Variants in MYOF observed in about 807,000 individuals in gnomAD.
The protein encoded by MYOF is myoferlin, also known as fer-1-like 3, myoferlin.
MYOF carries 244 observed loss-of-function variants against 284.2 expected under a neutral mutation model. The ratio of observed to expected loss-of-function variants is 0.86; its 90% CI spans 0.77 to 0.95. The LOEUF (loss-of-function observed/expected upper bound fraction) is 0.95, where lower values mean the gene tolerates loss of function less well. Ranked by LOEUF, MYOF falls within the 40% of genes least tolerant of loss-of-function variation. The pLI, the probability that MYOF is intolerant of heterozygous loss-of-function variation, is 0.00. For missense variants in MYOF, 2,496 were observed against 2,560.6 expected (o/e 0.97, Z 0.54); for synonymous variants, 904 against 919.7 (o/e 0.98, Z 0.31).
At chr10:93,359,687 G>C (rs920423272) in intron 29 of MYOF, 146 bp downstream of exon 29, 2 of 956,352 alleles carry the variant, frequency 2.1e-6, no homozygotes, top group Non-Finnish European at 1.5e-6. Context: ...ATTGCTGGCT[G>C]GGGTGGGCTC....
intron 5 of MYOF, among the ~76,000 whole-genome samples, chr10:93,423,525 GAAAAAAAAAAAAA>G (rs59012520): frequency 1.3e-4 from 2 of 14,874 alleles, no homozygotes; most frequent in South Asian, 2.3e-3. Context: ...GACTCCATCT[GAAAAAAAAAAAAA>G]AAAAAAAAAA....
chr10:93,374,913 A>C lies in MYOF; in HGVS notation c.2151T>G (p.Val717=). The change falls in exon 23 of 54, where the codon GTT becomes GTG. Residue 717 remains valine (V), a synonymous_variant. Transcript: ENST00000359263. ...PLTEGKANVT[V]LDTQIRKLRS... is the part of the protein sequence containing the mutation. Reference sequence around the variant, plus strand: ...GCAGCTTTCGGATCTGAGTATCGAGAACTGTGACGTTGGCTTTTCCTTCTG... The same window carrying C: ...GCAGCTTTCGGATCTGAGTATCGAGCACTGTGACGTTGGCTTTTCCTTCTG... 6.2e-7 allele frequency: 1 copy of C among 1,614,098 alleles called. No individual in the cohort carries two copies. The highest frequency in any genetic ancestry group is 8.5e-7 in the Non-Finnish European group (1 of 1,179,982).
intron 38 of MYOF, 146 bp from the exon 39 acceptor site, chr10:93,340,310 C>T (rs1330498208): frequency 1.2e-5 from 9 of 757,790 alleles, no homozygotes; most frequent in Non-Finnish European, 1.9e-5. Flanking sequence ...TTTCAATGGG[C>T]TAAATTATTT....
At chr10:93,363,492 C>A (rs1845173508) in intron 27 of MYOF, among the ~76,000 whole-genome samples, 1 of 152,130 alleles carries the variant, frequency 6.6e-6, no homozygotes, top group African/African-American at 2.4e-5. Flanking sequence ...ATAATAAGAA[C>A]CCATCTCTAC....
intron 24 of MYOF, among the ~76,000 whole-genome samples, chr10:93,371,005 T>C (rs1259086717): frequency 6.6e-6 from 1 of 152,220 alleles, no homozygotes; most frequent in Non-Finnish European, 1.5e-5. Context: ...ATAAGTTTGA[T>C]AGCTTCCCAA....
At chr10:93,380,396 GT>G (rs1564666574) in intron 20 of MYOF, among the ~76,000 whole-genome samples, 2 of 152,304 alleles carry the variant, frequency 1.3e-5, no homozygotes, top group African/African-American at 4.8e-5. Context: ...AGAATTTTCT[GT>G]TCTTGGAAAG....
At chr10:93,446,662 G>T (rs1414639387) in intron 3 of MYOF, among the ~76,000 whole-genome samples, 1 of 152,066 alleles carries the variant, frequency 6.6e-6, no homozygotes, top group Non-Finnish European at 1.5e-5. Flanking sequence ...AATTGGCCTA[G>T]AATTTACCTT....
chr10:93,470,003 C>G (rs927596257), intron 1 of MYOF, among the ~76,000 whole-genome samples: 1 of 151,942 alleles, frequency 6.6e-6, no homozygotes, highest in African/African-American at 2.4e-5. Flanking sequence ...CCAAGGCGGG[C>G]AGATCGCCTG....
chr10:93,377,396 G>A lies in MYOF; in HGVS notation c.2035C>T (p.Gln679Ter), dbSNP rs1478813311. The A allele has an allele frequency of 6.2e-7, 1 of 1,613,850 alleles. No homozygotes were observed. The highest frequency in any genetic ancestry group is 1.7e-5 in the Admixed American group (1 of 59,982). ...AGCTGGTTTGCAGGAATTTTACCTT[G>A]TATCCCTGATTTTAGAGCTTCTATA... ...TNIEALKSGI[Q>*]GKIPANQLAE... is the part of the protein sequence containing the mutation. The change falls in exon 22 of 54, where the codon CAA (glutamine) becomes TAA (stop). Residue 679 changes from glutamine (Q) to a stop codon, truncating the protein, a stop_gained. Transcript: ENST00000359263. LOFTEE classifies it high-confidence loss of function.
chr10:93,361,390 T>C, intron 28 of MYOF, 62 bp downstream of exon 28: 1 of 1,540,146 alleles, frequency 6.5e-7, no homozygotes, highest in South Asian at 1.1e-5. Flanking sequence ...AAGGAAACTT[T>C]ATCCTGGTTA....
At position 93,401,494 on chromosome 10, in the gene MYOF, CA is replaced by C; in HGVS notation, c.1040del (p.Leu347CysfsTer12). 2 of 1,614,042 alleles carry C rather than the reference CA, an allele frequency of 1.2e-6. No individual in the cohort carries two copies. Among genetic ancestry groups the C allele is most frequent in the Non-Finnish European group, 1.7e-6 (2 of 1,179,958 alleles). On this transcript the variant is annotated frameshift_variant, in exon 12 of 54. Coordinates refer to ENST00000359263, the MANE Select transcript of MYOF (RefSeq NM_013451.4). LOFTEE classifies it high-confidence loss of function. The part of the protein sequence containing the change: ...DNDSDDVESN[L>X]LLPAGIALRW... ...GGAGGGCAATGCCAGCAGGGAGTAA[CA>C]AATTACTCTCCACATCATCACTGTC...
At chr10:93,361,146 C>T (rs1250176614) in intron 28 of MYOF, among the ~76,000 whole-genome samples, 1 of 152,178 alleles carries the variant, frequency 6.6e-6, no homozygotes, top group Non-Finnish European at 1.5e-5. Context: ...CCATGAGGAG[C>T]ACACAACCTA....
intron 52 of MYOF, 28 bp from the exon 53 acceptor site, chr10:93,310,195 A>G: frequency 6.2e-7 from 1 of 1,611,168 alleles, no homozygotes; most frequent in East Asian, 2.2e-5. Context: ...AGTATCACCT[A>G]CCCAACTCAG....
At chr10:93,350,314 T>A (rs76260443) in intron 35 of MYOF, among the ~76,000 whole-genome samples, 1 of 142,010 alleles carries the variant, frequency 7.0e-6, no homozygotes, top group African/African-American at 3.0e-5. Flanking sequence ...CCTGTAAACT[T>A]TTTTTTTTTC....
intron 5 of MYOF, among the ~76,000 whole-genome samples, chr10:93,410,823 G>C (rs1847871675): frequency 6.6e-6 from 1 of 152,176 alleles, no homozygotes; most frequent in South Asian, 2.1e-4. Flanking sequence ...TAATTTCCAA[G>C]GACAGTCACC....
intron 17 of MYOF, among the ~76,000 whole-genome samples, chr10:93,391,037 T>C (rs1846650659): frequency 6.6e-6 from 1 of 152,222 alleles, no homozygotes; most frequent in African/African-American, 2.4e-5. Flanking sequence ...TCCTTTGGTC[T>C]AACCTCACTT....
At chr10:93,365,913 T>A (rs1845303729) in intron 26 of MYOF, among the ~76,000 whole-genome samples, 1 of 152,224 alleles carries the variant, frequency 6.6e-6, no homozygotes, top group African/African-American at 2.4e-5. Context: ...GCCCTCTTCA[T>A]GTTACTCTGT....
chr10:93,338,922 C>T (rs889524475), intron 39 of MYOF, among the ~76,000 whole-genome samples: 9 of 146,874 alleles, frequency 6.1e-5, no homozygotes, highest in African/African-American at 1.8e-4. Context: ...GAAATAATAA[C>T]GCCAAAAAAA....
chr10:93,361,469 C>A lies in MYOF; in HGVS notation c.2957G>T (p.Arg986Leu), dbSNP rs374817796. ...EDDAWSYDIN[R>L]AVDEKGWEYG... ...AATGTTACCTTTCTCATCCACCGCT[C>A]GATTTATGTCATAAGACCATGCATC... The change falls in exon 28 of 54, where the codon CGA becomes CTA. Residue 986 changes from arginine to leucine, a missense_variant. Arg to Leu is a moderately radical substitution (Grantham distance 102, BLOSUM62 -2). Transcript: ENST00000359263. 1 of 1,614,106 alleles carries A rather than the reference C, an allele frequency of 6.2e-7. No individual in the cohort carries two copies. Among genetic ancestry groups the A allele is most frequent in the South Asian group, 1.1e-5 (1 of 91,062 alleles).
Sources: allele counts gnomAD v4.1 joint callset (sites outside exome capture counted in the v4.1 genomes callset), GRCh38; gene constraint gnomAD v4.1.1; transcripts MANE v1.5; gene names NCBI Gene and HGNC (gene_info 2026-07-23, HGNC 2026-07-21).